SNX13: variants seen among roughly 807,000 people sequenced by gnomAD.
SNX13 encodes the protein sorting nexin 13.
Under a neutral mutation model 133.6 loss-of-function variants are expected in SNX13, and 45 were observed. The ratio of observed to expected loss-of-function variants is 0.34; its 90% confidence interval spans 0.27 to 0.43. The LOEUF is 0.43. Among genes scored for constraint, SNX13 ranks in the 20% least tolerant of loss-of-function variants. The pLI is 1.00. For synonymous variants in SNX13, 414 were observed against 373.9 expected (o/e 1.11, Z -1.24); for missense variants, 1,032 against 1,145.1 (o/e 0.90, Z 1.43).
intron 1 of SNX13, among the ~76,000 whole-genome samples, chr7:17,932,261 A>T (rs980795823): frequency 6.6e-6 from 1 of 152,220 alleles, no homozygotes; most frequent in Non-Finnish European, 1.5e-5. Flanking sequence ...TATCAAAGTA[A>T]CAACCTAATC....
chr7:17,824,106 GGTTT>G (rs1787606170), intron 17 of SNX13, among the ~76,000 whole-genome samples: 1 of 151,834 alleles, frequency 6.6e-6, no homozygotes, highest in South Asian at 2.1e-4. Context: ...TAGCTAGAAG[GGTTT>G]GTTTTTATTA....
intron 2 of SNX13, among the ~76,000 whole-genome samples, chr7:17,894,404 T>C (rs1796981230): frequency 6.6e-6 from 1 of 152,078 alleles, no homozygotes; most frequent in Admixed American, 6.5e-5. Flanking sequence ...CAGAATTCTA[T>C]AGTTCTGTTA....
intron 12 of SNX13, 132 bp downstream of exon 12, chr7:17,845,463 T>C (rs1033992309): frequency 2.4e-5 from 14 of 580,382 alleles, no homozygotes; most frequent in African/African-American, 1.4e-4. Flanking sequence ...TACAACATCA[T>C]GAATACATTT....
Position 17,798,702 on chromosome 7 carries a change from A to G in SNX13, c.2501T>C (p.Val834Ala). The G allele has an allele frequency of 1.3e-6, 2 of 1,578,376 alleles. No individual in the cohort carries two copies. Among genetic ancestry groups the G allele is most frequent in the Middle Eastern group, 1.7e-4 (1 of 5,996 alleles). Residue 834 changes from valine to alanine, a missense_variant, in exon 24 of 26, where the codon GTG becomes GCG. Coordinates refer to ENST00000428135, the MANE Select transcript of SNX13 (RefSeq NM_015132.5). Reference protein sequence around the residue: ...MTSPEQVADSVKRFRDAFWPN... With the variant: ...MTSPEQVADSAKRFRDAFWPN... ...TCTTAAGATATACCTGAAACGTTTC[A>G]CTGAGTCGGCTACTTGTTCAGGTGA...
At chr7:17,838,543 T>A (rs1414245800) in intron 13 of SNX13, among the ~76,000 whole-genome samples, 1 of 151,880 alleles carries the variant, frequency 6.6e-6, no homozygotes, top group African/African-American at 2.4e-5. Flanking sequence ...ATTTCTAGAT[T>A]TTTAAGTAAA....
chr7:17,792,197 T>C lies in SNX13; in HGVS notation c.*1848A>G, dbSNP rs1315812566. ...ATGAAAATCACTGCACTTATGGCCATGCTGATGCTTCCTACAGACATGTTT... is the reference window on the plus strand; with the variant it reads ...ATGAAAATCACTGCACTTATGGCCACGCTGATGCTTCCTACAGACATGTTT... On this transcript the variant is annotated 3_prime_UTR_variant, in exon 26 of 26. Transcript: ENST00000428135. 1 of 152,030 alleles carries C rather than the reference T, an allele frequency of 6.6e-6. No individual in the cohort carries two copies. The highest frequency in any genetic ancestry group is 2.1e-4 in the South Asian group (1 of 4,830). The allele number at this position is 152,030 out of a possible 1,614,324, so 9.4% of individuals were successfully genotyped here. A position where few individuals can be genotyped will look rare whatever the true frequency, so the allele number is the denominator to read the frequency against.
rs957860917 is a variant in SNX13, at chr7:17,852,567, T to C, written c.838-1603A>G. Reference sequence around the variant, plus strand: ...AGAAAGAAAGAGCAGAGAGAAAATGTAGACAGCCAACAGTCAACCCTCTTA... The same window carrying C: ...AGAAAGAAAGAGCAGAGAGAAAATGCAGACAGCCAACAGTCAACCCTCTTA... On this transcript the variant is annotated intron_variant, in intron 9 of 25. Coordinates refer to ENST00000428135, the MANE Select transcript of SNX13 (RefSeq NM_015132.5). Among the ~76,000 whole-genome samples the C allele has an allele frequency of 2.6e-5, 4 of 152,294 alleles. No homozygotes were observed. The East Asian group carries it at 7.7e-4, about 29-fold the overall frequency.
chr7:17,849,346 A>G (rs1790928779), intron 11 of SNX13, among the ~76,000 whole-genome samples: 1 of 152,182 alleles, frequency 6.6e-6, no homozygotes, highest in South Asian at 2.1e-4. Flanking sequence ...CACTATATCC[A>G]GTCTCTAATC....
At chr7:17,853,618 A>G (rs976964192) in intron 9 of SNX13, among the ~76,000 whole-genome samples, 2 of 152,234 alleles carry the variant, frequency 1.3e-5, no homozygotes, top group African/African-American at 4.8e-5. Context: ...ATATTTTCAG[A>G]GAATAAAAAG....
At chr7:17,828,030 T>C (rs1176719784) in intron 16 of SNX13, among the ~76,000 whole-genome samples, 4 of 151,798 alleles carry the variant, frequency 2.6e-5, no homozygotes, top group Non-Finnish European at 5.9e-5. Flanking sequence ...ATGCTAAATG[T>C]ACTTATCTCT....
intron 1 of SNX13, among the ~76,000 whole-genome samples, chr7:17,927,169 T>C (rs896673368): frequency 6.6e-6 from 1 of 150,680 alleles, no homozygotes; most frequent in African/African-American, 2.4e-5. Flanking sequence ...CATATATGTT[T>C]ATATATTATG....
chr7:17,805,261 G>GCA (rs1785148551), intron 20 of SNX13, among the ~76,000 whole-genome samples: 1 of 148,228 alleles, frequency 6.7e-6, no homozygotes, highest in South Asian at 2.1e-4. Flanking sequence ...GCGTGCGCGC[G>GCA]CGCGCATGCA....
chr7:17,887,921 T>C (rs1796192933), intron 5 of SNX13, among the ~76,000 whole-genome samples: 1 of 151,770 alleles, frequency 6.6e-6, no homozygotes, highest in Non-Finnish European at 1.5e-5. Context: ...TAAAGGACTG[T>C]AAGTTAAAGA....
intron 12 of SNX13, among the ~76,000 whole-genome samples, chr7:17,844,814 C>A (rs1790304521): frequency 1.3e-5 from 2 of 151,076 alleles, no homozygotes; most frequent in East Asian, 3.9e-4. Flanking sequence ...TTAATTGATG[C>A]ACAAAAAGCA....
intron 11 of SNX13, among the ~76,000 whole-genome samples, chr7:17,848,525 G>A (rs559936274): frequency 2.6e-5 from 4 of 152,288 alleles, no homozygotes; most frequent in South Asian, 2.1e-4. Context: ...CTAAGAGAGC[G>A]CTGTAACACA....
At chr7:17,896,768 C>G (rs972568025) in intron 2 of SNX13, among the ~76,000 whole-genome samples, 18 of 151,986 alleles carry the variant, frequency 1.2e-4, no homozygotes, top group Admixed American at 1.1e-3. Flanking sequence ...GCTCTGCATA[C>G]AAAGCTACAA....
rs984507884 is a variant in SNX13 at position 17,794,079 on chromosome 7, T to G, written c.2840A>C (p.Gln947Pro). Residue 947 changes from glutamine (Q) to proline (P), a missense_variant, in exon 26 of 26, where the codon CAA (glutamine) becomes CCA (proline). By Grantham distance (76) the Gln-to-Pro change is moderately conservative. Coordinates refer to ENST00000428135, the MANE Select transcript of SNX13 (RefSeq NM_015132.5). ...KQMQKYKQKL[Q>P]TTQAPSLQKR Reference sequence around the variant, plus strand: ...CTGCAAAGAAGGCGCTTGAGTAGTTTGAAGTTTCTGTTTATATTTCTGCAT... The same window carrying G: ...CTGCAAAGAAGGCGCTTGAGTAGTTGGAAGTTTCTGTTTATATTTCTGCAT... The G allele has an allele frequency of 3.4e-5, 55 of 1,611,476 alleles. No homozygotes were observed. The highest frequency in any genetic ancestry group is 4.5e-5 in the Non-Finnish European group (53 of 1,178,288).
intron 5 of SNX13, among the ~76,000 whole-genome samples, chr7:17,886,332 G>C (rs1209152694): frequency 1.3e-5 from 2 of 152,090 alleles, no homozygotes; most frequent in South Asian, 4.1e-4. Context: ...CACTTTGGGA[G>C]GCTGAGGGGG....
intron 13 of SNX13, among the ~76,000 whole-genome samples, chr7:17,835,891 G>A (rs957610625): frequency 2.0e-5 from 3 of 151,832 alleles, no homozygotes; most frequent in Non-Finnish European, 2.9e-5. Flanking sequence ...TTTGTTTTGT[G>A]TTTCGGGGGG....
Sources: allele counts gnomAD v4.1 joint callset (sites outside exome capture counted in the v4.1 genomes callset), GRCh38; gene constraint gnomAD v4.1.1; transcripts MANE v1.5; gene names NCBI Gene and HGNC (gene_info 2026-07-23, HGNC 2026-07-21).